FAM131A: variants seen among roughly 807,000 people sequenced by gnomAD.
The protein encoded by FAM131A is protein FAM131A.
Under a neutral mutation model 39.2 loss-of-function variants are expected in FAM131A, and 24 were observed. That is an observed-to-expected ratio of 0.61 (90% confidence interval 0.44 to 0.86). FAM131A has a LOEUF of 0.86. FAM131A is among the 40% of genes least tolerant of loss of function. The pLI, the probability that FAM131A is intolerant of heterozygous loss-of-function variation, is 0.00. For synonymous variants in FAM131A, 202 were observed against 206.8 expected (o/e 0.98, Z 0.20); for missense variants, 373 against 481.2 (o/e 0.78, Z 2.10).
Position 184,341,718 on chromosome 3 carries a change from C to T in FAM131A, c.232-6C>T, listed in dbSNP as rs765358430. 14 of 1,604,626 alleles carry T rather than the reference C, an allele frequency of 8.7e-6. No individual in the cohort carries two copies. In the African/African-American group the frequency reaches 1.3e-4, roughly 15 times the overall value. ...GGGCACTGACTTTCTAATGGTGTTA[C>T]CCAAGGTGAATGTTGGAGACACAGT... On this transcript the variant is annotated splice_region_variant and splice_polypyrimidine_tract_variant and intron_variant, in intron 2 of 5. Transcript: ENST00000383847.
rs1456765527 is a variant in FAM131A, at chr3:184,342,784, A to G, written c.549A>G (p.Arg183=). 1 of 1,613,812 alleles carries G rather than the reference A, an allele frequency of 6.2e-7. No homozygotes were observed. Among genetic ancestry groups the G allele is most frequent in the Non-Finnish European group, 8.5e-7 (1 of 1,179,852 alleles). The part of the protein sequence containing the change: ...EQFAIAEAKL[R]AWSSVDGEDS... ...TTGCCATCGCGGAAGCCAAGCTCCG[A>G]GCATGGTCTTCGGTGGATGGCGAGG... Residue 183 remains arginine (R), a synonymous_variant, in exon 5 of 6, where the codon CGA becomes CGG. Transcript: ENST00000383847. This position sits in a 1 kb window ranked among gnomAD's most constrained non-coding sequence, Gnocchi z 4.6.
At chr3:184,338,652 C>A (rs1016158821) in intron 2 of FAM131A, 123 bp downstream of exon 2, 3 of 1,355,494 alleles carry the variant, frequency 2.2e-6, no homozygotes, top group South Asian at 1.4e-5. Flanking sequence ...AGGCGCTATC[C>A]GGCGGCGGGC....
Position 184,344,741 on chromosome 3 carries a change from G to T in FAM131A, c.872G>T (p.Ser291Ile). Reference sequence around the variant, plus strand: ...GCCAAACTGCCCCCCAGCCGGGAAAGTGCCTTCCGCAGCCTGGGCCCACTG... The same window carrying T: ...GCCAAACTGCCCCCCAGCCGGGAAATTGCCTTCCGCAGCCTGGGCCCACTG... ...LLAKLPPSRE[S>I]AFRSLGPLEA... Residue 291 changes from serine to isoleucine, a missense_variant, in exon 6 of 6, where the codon AGT (serine) becomes ATT (isoleucine). Ser to Ile is a moderately radical substitution (Grantham distance 142). This residue lies in a region of FAM131A where 152 missense variants were observed against 133.5 expected (regional missense o/e 1.14). Coordinates refer to ENST00000383847, the MANE Select transcript of FAM131A (RefSeq NM_144635.5). 1 of 1,612,376 alleles carries T rather than the reference G, an allele frequency of 6.2e-7. No homozygotes were observed.
intron 2 of FAM131A, chr3:184,341,512 G>C (rs1303472779): frequency 1.0e-5 from 6 of 590,640 alleles, no homozygotes; most frequent in Non-Finnish European, 1.8e-5. Context: ...TTTGCTTCTC[G>C]GGGCCTGTCT....
chr3:184,338,098 C>T (rs1105000), intron 1 of FAM131A, among the ~76,000 whole-genome samples: 9 of 151,888 alleles, frequency 5.9e-5, no homozygotes, highest in African/African-American at 2.2e-4. Context: ...GGCTGGGAAA[C>T]GGGAAGGAGA....
Position 184,337,714 on chromosome 3 carries a change from C to A in FAM131A, c.84C>A (p.Arg28=). ...PGGRWTCQTS[R]RVSSDPAWAV... is the part of the protein sequence containing the mutation. ...GACGATGGACTTGTCAGACAAGTCG[C>A]AGAGGTGAGACCAGGGATCATGGAT... Residue 28 remains arginine (R), a synonymous_variant, in exon 1 of 6, where the codon CGC becomes CGA. Transcript: ENST00000383847. 1 of 1,537,056 alleles carries A rather than the reference C, an allele frequency of 6.5e-7. No homozygotes were observed. Among genetic ancestry groups the A allele is most frequent in the Non-Finnish European group, 8.7e-7 (1 of 1,146,826 alleles).
intron 5 of FAM131A, chr3:184,343,098 T>G: frequency 3.8e-6 from 1 of 259,984 alleles, no homozygotes; most frequent in Non-Finnish European, 6.9e-6. Context: ...TCTGCCTGTC[T>G]GCACAGTTGT....
In FAM131A at chr3:184,344,265, G is replaced by A. The variant is rs149919565; in HGVS notation, c.626-230G>A. Among the ~76,000 whole-genome samples, 612 of 152,240 alleles carry A rather than the reference G, an allele frequency of 4.0e-3. 4 individuals are homozygous for A. Among genetic ancestry groups the A allele is most frequent in the African/African-American group, 0.013 (534 of 41,546 alleles). ...CTCCCAAAGTGCTGGGATTACAGGC[G>A]TGAGCCACCGCACCCACCTGTGTGC... is the stretch of plus-strand genomic sequence containing the variant. On this transcript the variant is annotated intron_variant, in intron 5 of 5. Coordinates refer to ENST00000383847, the MANE Select transcript of FAM131A (RefSeq NM_144635.5).
Position 184,344,827 on chromosome 3 carries a change from G to A in FAM131A, c.958G>A (p.Glu320Lys). 2 of 1,611,878 alleles carry A rather than the reference G, an allele frequency of 1.2e-6. No homozygotes were observed. The highest frequency in any genetic ancestry group is 8.5e-7 in the Non-Finnish European group (1 of 1,179,884). ...LTESCLSPAEEEPAPCKDCQP... is the reference protein window; with the variant it reads ...LTESCLSPAEKEPAPCKDCQP... ...AGAGTCCTGCCTTTCCCCCGCGGAG[G>A]AGGAGCCAGCCCCCTGCAAGGACTG... Residue 320 changes from glutamate to lysine, a missense_variant, in exon 6 of 6, where the codon GAG becomes AAG. By Grantham distance (56) the Glu-to-Lys change is moderately conservative (BLOSUM62 1). This residue lies in a region of FAM131A where 152 missense variants were observed against 133.5 expected (regional missense o/e 1.14). Coordinates refer to ENST00000383847, the MANE Select transcript of FAM131A (RefSeq NM_144635.5).
At chr3:184,340,312 G>GC in intron 2 of FAM131A, 1 of 113,762 alleles carries the variant, frequency 8.8e-6, no homozygotes. Flanking sequence ...CCCAGCCTAT[G>GC]CATTTTTTTT....
Position 184,337,621 on chromosome 3 carries a change from C to T in FAM131A, c.-10C>T, listed in dbSNP as rs1319871956. The T allele has an allele frequency of 2.6e-6, 4 of 1,537,186 alleles. No individual in the cohort carries two copies. The highest frequency in any genetic ancestry group is 2.4e-5 in the South Asian group (2 of 84,058). Reference sequence around the variant, plus strand: ...CTGGGCTTTTGGTTCTCTGCATCAACACAGCCAGCATGCCTATGATTTCTG... The same window carrying T: ...CTGGGCTTTTGGTTCTCTGCATCAATACAGCCAGCATGCCTATGATTTCTG... On this transcript the variant is annotated 5_prime_UTR_variant, in exon 1 of 6. Transcript: ENST00000383847.
In FAM131A at chr3:184,345,482, T is replaced by C; in HGVS notation, c.*512T>C. On this transcript the variant is annotated 3_prime_UTR_variant, in exon 6 of 6. Transcript: ENST00000383847. ...CTCCCGGAGCCTATGGGTTGAGCCG[T>C]CCCTCAAGGGCCCCTGCCCAGCTGG... is the stretch of plus-strand genomic sequence containing the variant. 1.4e-6 allele frequency: 1 copy of C among 702,276 alleles called. No homozygotes were observed. Among genetic ancestry groups the C allele is most frequent in the South Asian group, 1.5e-5 (1 of 67,478 alleles). The allele number at this position is 702,276 out of a possible 1,614,324, so 43.5% of individuals were successfully genotyped here. A position where few individuals can be genotyped will look rare whatever the true frequency, so the allele number is the denominator to read the frequency against.
Position 184,338,728 on chromosome 3 carries a change from C to G in FAM131A, c.231+199C>G, listed in dbSNP as rs1390391374. 4 of 609,998 alleles carry G rather than the reference C, an allele frequency of 6.6e-6. No individual in the cohort carries two copies. In the South Asian group the frequency reaches 8.7e-5, roughly 13 times the overall value. The allele number at this position is 609,998 out of a possible 1,614,324, so 37.8% of individuals were successfully genotyped here. ...GTGCCAGCAGGCGGAGAGCTCGCGC[C>G]TTCCGCGCTGACGTCAGCGCATCCC... On this transcript the variant is annotated intron_variant, in intron 2 of 5. Transcript: ENST00000383847.
rs1036017356 is a variant in FAM131A at position 184,337,713 on chromosome 3, G to A, written c.83G>A (p.Arg28His). The change falls in exon 1 of 6, where the codon CGC becomes CAC. Residue 28 changes from arginine to histidine, a missense_variant. This residue lies in a region of FAM131A where 221 missense variants were observed against 347.7 expected (regional missense o/e 0.64). Coordinates refer to ENST00000383847, the MANE Select transcript of FAM131A (RefSeq NM_144635.5). ...PGGRWTCQTS[R>H]RVSSDPAWAV... ...GGACGATGGACTTGTCAGACAAGTC[G>A]CAGAGGTGAGACCAGGGATCATGGA... The A allele has an allele frequency of 7.2e-6, 11 of 1,537,158 alleles. No individual in the cohort carries two copies. Among genetic ancestry groups the A allele is most frequent in the Non-Finnish European group, 8.7e-6 (10 of 1,146,812 alleles).
rs1577295246 is a variant in FAM131A, at chr3:184,345,896, A to C, written c.*926A>C. 2.4e-6 allele frequency: 1 copy of C among 416,416 alleles called. No homozygotes were observed. 25.8% of individuals were successfully genotyped at this position (416,416 alleles called of 1,614,324 possible). On this transcript the variant is annotated 3_prime_UTR_variant, in exon 6 of 6. Coordinates refer to ENST00000383847, the MANE Select transcript of FAM131A (RefSeq NM_144635.5). ...CAGCTGATGCCTGCTGAGAGGCAGG[A>C]ATTGTGCCAGTGAGTGACAGTCATG...
Position 184,344,545 on chromosome 3 carries a change from G to C in FAM131A, c.676G>C (p.Gly226Arg). The C allele has an allele frequency of 1.9e-6, 3 of 1,583,884 alleles. No individual in the cohort carries two copies. Among genetic ancestry groups the C allele is most frequent in the Non-Finnish European group, 2.6e-6 (3 of 1,163,888 alleles). ...GCCGCACCTCCAGGACCTGTTCACC[G>C]GCCACCGGTTCTCCCGGCCTGTGCG... ...LGPHLQDLFTGHRFSRPVRQG... is the reference protein window; with the variant it reads ...LGPHLQDLFTRHRFSRPVRQG... Residue 226 changes from glycine (G) to arginine (R), a missense_variant, in exon 6 of 6, where the codon GGC becomes CGC. Coordinates refer to ENST00000383847, the MANE Select transcript of FAM131A (RefSeq NM_144635.5).
rs1406341926 is a variant in FAM131A at position 184,344,918 on chromosome 3, C to T, written c.1049C>T (p.Ser350Phe). ...ERQRQASDLA[S>F]SGVVSLDEDE... Reference sequence around the variant, plus strand: ...CAGCGGCAAGCCTCTGACCTGGCCTCTTCTGGGGTGGTGTCCTTAGATGAG... The same window carrying T: ...CAGCGGCAAGCCTCTGACCTGGCCTTTTCTGGGGTGGTGTCCTTAGATGAG... The change falls in exon 6 of 6, where the codon TCT becomes TTT. Residue 350 changes from serine to phenylalanine, a missense_variant. This residue lies in a region of FAM131A where 152 missense variants were observed against 133.5 expected (regional missense o/e 1.14). Coordinates refer to ENST00000383847, the MANE Select transcript of FAM131A (RefSeq NM_144635.5). The T allele has an allele frequency of 2.5e-6, 4 of 1,604,686 alleles. No homozygotes were observed. Among genetic ancestry groups the T allele is most frequent in the Admixed American group, 1.7e-5 (1 of 59,698 alleles).
At chr3:184,341,699 T>C in intron 2 of FAM131A, 25 bp from the exon 3 acceptor site, 1 of 1,597,668 alleles carries the variant, frequency 6.3e-7, no homozygotes, top group Non-Finnish European at 8.5e-7. Context: ...AGAGGGGCAC[T>C]GACTTTCTAA....
At position 184,345,926 on chromosome 3, in the gene FAM131A, A is replaced by G. The variant is rs1448546259; in HGVS notation, c.*956A>G. ...TGCCAGTGAGTGACAGTCATGAGGG[A>G]GTGTCTCTTCTTGGGGAGGAAAGAA... On this transcript the variant is annotated 3_prime_UTR_variant, in exon 6 of 6. Transcript: ENST00000383847. 1 of 344,230 alleles carries G rather than the reference A, an allele frequency of 2.9e-6. No individual in the cohort carries two copies. The highest frequency in any genetic ancestry group is 2.1e-5 in the African/African-American group (1 of 46,624). 21.3% of individuals were successfully genotyped at this position (344,230 alleles called of 1,614,324 possible). A position where few individuals can be genotyped will look rare whatever the true frequency, so the allele number is the denominator to read the frequency against.
Sources: allele counts gnomAD v4.1 joint callset (sites outside exome capture counted in the v4.1 genomes callset), GRCh38; gene constraint gnomAD v4.1.1; regional missense constraint gnomAD v4.1.1; non-coding constraint Gnocchi (gnomAD v3.1); transcripts MANE v1.5; gene names NCBI Gene and HGNC (gene_info 2026-07-23, HGNC 2026-07-21).